SLC44A5: variants seen among roughly 807,000 people sequenced by gnomAD.
SLC44A5 encodes the protein solute carrier family 44 member 5, also known as choline transporter-like protein 5.
A neutral mutation model predicts 101.8 loss-of-function variants in SLC44A5; 57 were observed. The observed-to-expected ratio is 0.56, with a 90% CI of 0.45 to 0.70. The LOEUF (loss-of-function observed/expected upper bound fraction) is 0.70, where lower values mean the gene tolerates loss of function less well. Among genes scored for constraint, SLC44A5 ranks in the 30% least tolerant of loss-of-function variants. SLC44A5 has a pLI of 0.00. For synonymous variants in SLC44A5, 281 were observed against 290.9 expected, an observed-to-expected ratio of 0.97 and a Z score of 0.35; for missense variants, 737 against 853.1, an observed-to-expected ratio of 0.86 and a Z score of 1.70.
intron 6 of SLC44A5, among the ~76,000 whole-genome samples, chr1:75,261,010 G>C (rs12069047): frequency 0.014 from 2,114 of 151,880 alleles, 52 homozygotes; most frequent in African/African-American, 0.048. Flanking sequence ...GAATCTCTGG[G>C]ACACATTTAA....
the SLC44A5 span, among the ~76,000 whole-genome samples, chr1:75,623,679 A>G: frequency 6.6e-6 from 1 of 152,112 alleles, no homozygotes; most frequent in Admixed American, 6.6e-5. Flanking sequence ...GCTGAAGCTT[A>G]GGACATGATA....
intron 2 of SLC44A5, among the ~76,000 whole-genome samples, chr1:75,436,978 A>G (rs1395582498): frequency 6.6e-6 from 1 of 152,106 alleles, no homozygotes; most frequent in Non-Finnish European, 1.5e-5. Context: ...GTCTTGACCC[A>G]CTGGAAGGTC....
the SLC44A5 span, among the ~76,000 whole-genome samples, chr1:75,681,558 C>T: frequency 1.3e-5 from 2 of 151,440 alleles, no homozygotes; most frequent in African/African-American, 2.4e-5. Flanking sequence ...AATTCAACAA[C>T]TCTTCATGCT....
chr1:75,351,932 A>T lies in SLC44A5; in HGVS notation c.53-12302T>A, dbSNP rs562574941. On this transcript the variant is annotated intron_variant, in intron 3 of 23. Transcript: ENST00000370859. ...TTTTAGTCATGGAAAGGCTCAATAAAGAGAGGGATAACATTGAATTACTAA... is the reference window on the plus strand; with the variant it reads ...TTTTAGTCATGGAAAGGCTCAATAATGAGAGGGATAACATTGAATTACTAA... 2.6e-5 allele frequency among the ~76,000 whole-genome samples: 4 copies of T among 151,918 alleles called. No homozygotes were observed. The South Asian group carries it at 8.3e-4, about 32-fold the overall frequency.
At chr1:75,499,455 T>C (rs926065885) in intron 2 of SLC44A5, among the ~76,000 whole-genome samples, 4 of 152,238 alleles carry the variant, frequency 2.6e-5, no homozygotes, top group African/African-American at 9.6e-5. Context: ...TCCTGCTGTG[T>C]GGCCCAGTTT....
the SLC44A5 span, among the ~76,000 whole-genome samples, chr1:75,672,152 C>A: frequency 6.6e-6 from 1 of 152,122 alleles, no homozygotes; most frequent in Non-Finnish European, 1.5e-5. Context: ...CAACTTGCAA[C>A]AGTATCTGCT....
At chr1:75,666,787 C>T in the SLC44A5 span, among the ~76,000 whole-genome samples, 1 of 152,194 alleles carries the variant, frequency 6.6e-6, no homozygotes, top group Non-Finnish European at 1.5e-5. Flanking sequence ...TCAACATACA[C>T]AAGTCAATAA....
intron 2 of SLC44A5, among the ~76,000 whole-genome samples, chr1:75,515,879 G>C (rs888429088): frequency 6.6e-6 from 1 of 151,748 alleles, no homozygotes; most frequent in Non-Finnish European, 1.5e-5. Flanking sequence ...CAGTGTACAA[G>C]GGTTTTTTTT....
chr1:75,659,984 G>A, the SLC44A5 span, among the ~76,000 whole-genome samples: 2 of 152,068 alleles, frequency 1.3e-5, no homozygotes, highest in African/African-American at 4.8e-5. Context: ...CAGGCAGATC[G>A]CTTGAGGCTA....
At chr1:75,701,177 T>C in the SLC44A5 span, among the ~76,000 whole-genome samples, 6 of 152,156 alleles carry the variant, frequency 3.9e-5, no homozygotes, top group African/African-American at 1.4e-4. Context: ...ATCATCCTGA[T>C]ACCAAAGCCT....
At chr1:75,675,009 G>A in the SLC44A5 span, among the ~76,000 whole-genome samples, 1 of 152,176 alleles carries the variant, frequency 6.6e-6, no homozygotes, top group Non-Finnish European at 1.5e-5. Flanking sequence ...TTTGGTTACT[G>A]TAGAGCCTTG....
At chr1:75,214,821 G>A (rs572375057) in intron 19 of SLC44A5, 143 bp from the exon 20 acceptor site, 1 of 623,910 alleles carries the variant, frequency 1.6e-6, no homozygotes, top group Non-Finnish European at 2.8e-6. Flanking sequence ...GTGTATTTGT[G>A]GGACACACTG....
chr1:75,570,729 T>C lies in SLC44A5; in HGVS notation c.-69-29213A>G, dbSNP rs538342915. On this transcript the variant is annotated intron_variant, in intron 1 of 23. Transcript: ENST00000370859. The stretch of plus-strand genomic sequence containing the variant: ...TGGTTTATGGAATAGAAAGCACACA[T>C]ACTAGCCCTTTCCCACCCCTGGAAG... Among the ~76,000 whole-genome samples, 268 of 152,284 alleles carry C rather than the reference T, an allele frequency of 1.8e-3. 2 individuals are homozygous for C. Among genetic ancestry groups the C allele is most frequent in the African/African-American group, 6.0e-3 (248 of 41,558 alleles).
intron 22 of SLC44A5, among the ~76,000 whole-genome samples, chr1:75,211,825 T>A (rs1646861338): frequency 6.6e-6 from 1 of 151,302 alleles, no homozygotes; most frequent in Non-Finnish European, 1.5e-5. Context: ...TTTCTTTTCT[T>A]TTCTTTTCTT....
chr1:75,222,615 G>A (rs774787166), intron 13 of SLC44A5, among the ~76,000 whole-genome samples, 155 bp from the exon 14 acceptor site: 16 of 152,068 alleles, frequency 1.1e-4, no homozygotes, highest in Admixed American at 2.6e-4. Flanking sequence ...GCCAATCTTC[G>A]AAATTAACTT....
the SLC44A5 span, among the ~76,000 whole-genome samples, chr1:75,678,101 C>T: frequency 1.3e-5 from 2 of 152,162 alleles, no homozygotes; most frequent in Non-Finnish European, 2.9e-5. Context: ...GCACCTGGCT[C>T]GGAGGGTCCT....
At chr1:75,222,903 G>A (rs138815359) in intron 13 of SLC44A5, among the ~76,000 whole-genome samples, 79 of 152,166 alleles carry the variant, frequency 5.2e-4, no homozygotes, top group Non-Finnish European at 6.8e-4. Context: ...GCAGGTTCTT[G>A]GCTGTCCCAT....
intron 4 of SLC44A5, among the ~76,000 whole-genome samples, chr1:75,322,832 T>C (rs1656270515): frequency 6.6e-6 from 1 of 152,182 alleles, no homozygotes; most frequent in Non-Finnish European, 1.5e-5. Context: ...ATTCCAACCT[T>C]GTCTTTGCCA....
the SLC44A5 span, among the ~76,000 whole-genome samples, chr1:75,703,369 A>G: frequency 6.6e-6 from 1 of 152,194 alleles, no homozygotes; most frequent in East Asian, 1.9e-4. Flanking sequence ...ACGGACACGG[A>G]TGAAGCTGGA....
Sources: gnomAD v4.1 joint callset for allele counts (sites outside exome capture counted in the v4.1 genomes callset) on GRCh38, gnomAD v4.1.1 for gene constraint, MANE v1.5 for transcripts, NCBI Gene and HGNC (gene_info 2026-07-23, HGNC 2026-07-21) for gene names.